FBXL20: variants seen among roughly 807,000 people sequenced by gnomAD.
FBXL20 encodes F-box/LRR-repeat protein 20.
A neutral mutation model predicts 64.0 loss-of-function variants in FBXL20; 11 were observed. The observed-to-expected ratio is 0.17, with a 90% CI of 0.11 to 0.28. The LOEUF (loss-of-function observed/expected upper bound fraction) is 0.28, where lower values mean the gene tolerates loss of function less well. Ranked by LOEUF, FBXL20 falls within the 10% of genes least tolerant of loss-of-function variation. The probability of loss-of-function intolerance (pLI) is 1.00; values close to 1 mark genes in which losing one functional copy is unlikely to be tolerated. For synonymous variants in FBXL20, 184 were observed against 189.0 expected (o/e 0.97, Z 0.22); for missense variants, 303 against 526.2 (o/e 0.58, Z 4.15).
At chr17:39,309,547 C>G (rs1252613751) in intron 2 of FBXL20, among the ~76,000 whole-genome samples, 1 of 151,380 alleles carries the variant, frequency 6.6e-6, no homozygotes, top group Non-Finnish European at 1.5e-5. Flanking sequence ...GCTCTGTTGC[C>G]CAGGCTGGAG....
At position 39,374,286 on chromosome 17, in the gene FBXL20, T is replaced by A. The variant is rs1440763960; in HGVS notation, c.42+27075A>T. Among the ~76,000 whole-genome samples the A allele has an allele frequency of 2.0e-5, 3 of 151,912 alleles. No individual in the cohort carries two copies. In the East Asian group the frequency reaches 5.8e-4, roughly 29 times the overall value. ...GCTCACGCCTGTAATCCTAGCACTT[T>A]GGGAGGCCAAGGTGGTTGGATCGCT... On this transcript the variant is annotated intron_variant, in intron 1 of 14. Coordinates refer to ENST00000264658, the MANE Select transcript of FBXL20 (RefSeq NM_032875.3).
intron 1 of FBXL20, among the ~76,000 whole-genome samples, chr17:39,386,454 T>C (rs1177967618): frequency 6.6e-6 from 1 of 151,638 alleles, no homozygotes; most frequent in Non-Finnish European, 1.5e-5. Flanking sequence ...ACACAGTGAG[T>C]CTCTACAAAA....
intron 1 of FBXL20, among the ~76,000 whole-genome samples, chr17:39,370,178 A>G (rs2047901586): frequency 6.6e-6 from 1 of 151,546 alleles, no homozygotes; most frequent in African/African-American, 2.4e-5. Flanking sequence ...TGTCCTTAAC[A>G]AAGAGGATGG....
At chr17:39,398,909 G>A (rs1000602407) in intron 1 of FBXL20, among the ~76,000 whole-genome samples, 3 of 151,982 alleles carry the variant, frequency 2.0e-5, no homozygotes, top group African/African-American at 7.2e-5. Flanking sequence ...TCCTGACCTC[G>A]TGATCCACCC....
chr17:39,291,423 A>C (rs1378307773), intron 6 of FBXL20, among the ~76,000 whole-genome samples: 1 of 147,836 alleles, frequency 6.8e-6, no homozygotes, highest in African/African-American at 2.5e-5. Context: ...CTTGATTTTA[A>C]AACTTTTCTT....
chr17:39,356,011 C>G (rs1028613183), intron 1 of FBXL20, among the ~76,000 whole-genome samples: 3 of 151,588 alleles, frequency 2.0e-5, no homozygotes, highest in Non-Finnish European at 4.4e-5. Flanking sequence ...GTCAGGAGTT[C>G]GAGACCAGCC....
intron 2 of FBXL20, among the ~76,000 whole-genome samples, chr17:39,337,720 G>A (rs983016284): frequency 2.6e-5 from 4 of 151,750 alleles, no homozygotes; most frequent in African/African-American, 4.8e-5. Context: ...CAGTTGCCCC[G>A]TCTGAGAAGG....
intron 12 of FBXL20, among the ~76,000 whole-genome samples, chr17:39,268,565 A>G (rs941174357): frequency 1.3e-5 from 2 of 152,108 alleles, no homozygotes; most frequent in African/African-American, 4.8e-5. Context: ...GTCTAAGGAA[A>G]TATTTTTAAC....
At chr17:39,291,643 C>T (rs375324407) in intron 6 of FBXL20, among the ~76,000 whole-genome samples, 2 of 151,918 alleles carry the variant, frequency 1.3e-5, no homozygotes, top group African/African-American at 4.8e-5. Context: ...TCATGTTGGC[C>T]AGGCTGTTCT....
chr17:39,266,631 C>T (rs1249485539), intron 12 of FBXL20, among the ~76,000 whole-genome samples: 1 of 152,146 alleles, frequency 6.6e-6, no homozygotes, highest in Non-Finnish European at 1.5e-5. Flanking sequence ...ACAGGAGTGA[C>T]CTACTATGCC....
At chr17:39,320,916 C>G (rs2047349661) in intron 2 of FBXL20, among the ~76,000 whole-genome samples, 1 of 152,098 alleles carries the variant, frequency 6.6e-6, no homozygotes, top group African/African-American at 2.4e-5. Context: ...CAAAAAGTGA[C>G]TAACAGCCAC....
intron 9 of FBXL20, among the ~76,000 whole-genome samples, chr17:39,276,751 CTGAG>C (rs1044941122): frequency 3.2e-4 from 48 of 152,206 alleles, no homozygotes; most frequent in African/African-American, 1.2e-3. Flanking sequence ...TTCTAACCAA[CTGAG>C]TAATTTGTTG....
chr17:39,262,755 T>G (rs953547146), intron 14 of FBXL20, among the ~76,000 whole-genome samples: 2 of 151,938 alleles, frequency 1.3e-5, no homozygotes, highest in Non-Finnish European at 1.5e-5. Flanking sequence ...TCCCAGCACT[T>G]TGGGAGGCTG....
intron 2 of FBXL20, among the ~76,000 whole-genome samples, chr17:39,310,972 T>A (rs2047230279): frequency 6.6e-6 from 1 of 151,526 alleles, no homozygotes; most frequent in Non-Finnish European, 1.5e-5. Context: ...GGCAACAAAG[T>A]GAGACTCTCT....
At chr17:39,354,486 G>A (rs550623202) in intron 1 of FBXL20, among the ~76,000 whole-genome samples, 4 of 152,170 alleles carry the variant, frequency 2.6e-5, no homozygotes, top group African/African-American at 7.2e-5. Flanking sequence ...CCAGTCCTAC[G>A]TTGGTGTTAC....
At chr17:39,364,326 G>C (rs892722299) in intron 1 of FBXL20, among the ~76,000 whole-genome samples, 1 of 152,162 alleles carries the variant, frequency 6.6e-6, no homozygotes, top group Non-Finnish European at 1.5e-5. Flanking sequence ...AAAAGAATGT[G>C]GTGGGGCTGG....
chr17:39,356,530 A>G (rs1397033435), intron 1 of FBXL20, among the ~76,000 whole-genome samples: 1 of 152,004 alleles, frequency 6.6e-6, no homozygotes, highest in African/African-American at 2.4e-5. Context: ...TATTTTTTCT[A>G]TATTTTATAG....
At chr17:39,356,344 C>T (rs2047739887) in intron 1 of FBXL20, among the ~76,000 whole-genome samples, 1 of 151,300 alleles carries the variant, frequency 6.6e-6, no homozygotes, top group African/African-American at 2.4e-5. Context: ...TGCAGATATA[C>T]AATTGTTTCA....
At chr17:39,315,122 A>G (rs1012898408) in intron 2 of FBXL20, among the ~76,000 whole-genome samples, 11 of 151,664 alleles carry the variant, frequency 7.3e-5, no homozygotes, top group Non-Finnish European at 1.3e-4. Context: ...CACTAGAGAC[A>G]GGGTTTCGCC....
Sources: gnomAD v4.1 joint callset for allele counts (sites outside exome capture counted in the v4.1 genomes callset) on GRCh38, gnomAD v4.1.1 for gene constraint, MANE v1.5 for transcripts, NCBI Gene and HGNC (gene_info 2026-07-23, HGNC 2026-07-21) for gene names.